Variants in RYR2 observed in about 807,000 individuals in gnomAD.
RYR2 encodes cardiac muscle ryanodine receptor-calcium release channel.
Under a neutral mutation model 601.1 loss-of-function variants are expected in RYR2, and 227 were observed. The ratio of observed to expected loss-of-function variants is 0.38; its 90% CI spans 0.34 to 0.42. The LOEUF is 0.42. Ranked by LOEUF, RYR2 falls within the 10% of genes least tolerant of loss-of-function variation. The pLI, the probability that RYR2 is intolerant of heterozygous loss-of-function variation, is 1.00. For missense variants in RYR2, 4,646 were observed against 6,156.5 expected (o/e 0.75, Z 8.21); for synonymous variants, 2,223 against 2,175.1 (o/e 1.02, Z -0.61).
chr1:237,639,610 T>A (rs3766875), intron 46 of RYR2, among the ~76,000 whole-genome samples: 66,000 of 152,014 alleles, frequency 0.43, 15,623 homozygotes, highest in Non-Finnish European at 0.54. Context: ...TTGACTAAAC[T>A]GTTATGGTGG....
chr1:237,080,698 C>G (rs1665511640), intron 1 of RYR2, among the ~76,000 whole-genome samples: 2 of 64,150 alleles, frequency 3.1e-5, no homozygotes, highest in Admixed American at 1.6e-4. Flanking sequence ...TAAACTAGTT[C>G]AACCATTGTG....
At chr1:237,775,510 G>T (rs1387358145) in intron 87 of RYR2, among the ~76,000 whole-genome samples, 1 of 152,046 alleles carries the variant, frequency 6.6e-6, no homozygotes, top group South Asian at 2.1e-4. Context: ...CATTAGCTTC[G>T]TGCTGCTTCT....
intron 17 of RYR2, among the ~76,000 whole-genome samples, chr1:237,488,563 G>A (rs1238885639): frequency 6.6e-6 from 1 of 152,132 alleles, no homozygotes. Flanking sequence ...ACTGTGACCT[G>A]CACGTGTACA....
At chr1:237,218,541 T>C (rs1461587100) in intron 1 of RYR2, among the ~76,000 whole-genome samples, 1 of 152,202 alleles carries the variant, frequency 6.6e-6, no homozygotes, top group Admixed American at 6.5e-5. Flanking sequence ...TACTTTGCCA[T>C]CAAGGCTTTT....
chr1:237,828,636 C>T (rs959213009), intron 102 of RYR2, among the ~76,000 whole-genome samples, 191 bp downstream of exon 102: 5 of 152,134 alleles, frequency 3.3e-5, no homozygotes, highest in South Asian at 2.1e-4. Context: ...TTGTGGTGGA[C>T]GCCACATGCA....
intron 1 of RYR2, among the ~76,000 whole-genome samples, chr1:237,244,794 G>T (rs1436055383): frequency 8.3e-6 from 1 of 120,250 alleles, no homozygotes; most frequent in Non-Finnish European, 1.7e-5. Context: ...ATGAGCCCCG[G>T]GTATTTACCC....
intron 63 of RYR2, among the ~76,000 whole-genome samples, chr1:237,691,614 A>G (rs1686950934): frequency 1.3e-5 from 2 of 152,210 alleles, no homozygotes; most frequent in African/African-American, 4.8e-5. Flanking sequence ...TGCCTAATCT[A>G]TTATTTTTGA....
At chr1:237,556,256 A>G (rs1186969055) in intron 27 of RYR2, among the ~76,000 whole-genome samples, 1 of 148,438 alleles carries the variant, frequency 6.7e-6, no homozygotes, top group African/African-American at 2.5e-5. Context: ...CCATATTTGC[A>G]ATTCTCATTT....
At chr1:237,055,259 G>T (rs1572469779) in intron 1 of RYR2, among the ~76,000 whole-genome samples, 2 of 152,162 alleles carry the variant, frequency 1.3e-5, no homozygotes, top group Non-Finnish European at 2.9e-5. Flanking sequence ...TGAGACCAGG[G>T]TCAGGGATTT....
chr1:237,444,094 A>G (rs1428957961), intron 13 of RYR2, among the ~76,000 whole-genome samples: 3 of 152,044 alleles, frequency 2.0e-5, no homozygotes, highest in Non-Finnish European at 4.4e-5. Context: ...GTATTGTATT[A>G]TTGTAATTTC....
At chr1:237,602,851 A>G (rs939713738) in intron 35 of RYR2, among the ~76,000 whole-genome samples, 2 of 152,234 alleles carry the variant, frequency 1.3e-5, no homozygotes, top group African/African-American at 4.8e-5. Context: ...TTGGAAAAAT[A>G]TGTTGTTATT....
intron 11 of RYR2, among the ~76,000 whole-genome samples, chr1:237,422,047 T>G (rs1038360301): frequency 6.6e-6 from 1 of 152,168 alleles, no homozygotes; most frequent in Non-Finnish European, 1.5e-5. Flanking sequence ...ATGATATATA[T>G]GGCCTGTCCT....
chr1:237,655,831 A>C lies in RYR2; in HGVS notation c.7976A>C (p.Gln2659Pro). ...CTCCATTTTTCCCAGAAATATGAAC[A>C]AGAACTTTTCAAACTGGCACTGCCT... ...FDALSQKKYE[Q>P]ELFKLALPCL... The change falls in exon 53 of 105, where the codon CAA becomes CCA. Residue 2659 changes from glutamine to proline, a missense_variant. Physicochemically the swap from Gln to Pro is moderately conservative, Grantham distance 76. Transcript: ENST00000366574. The C allele has an allele frequency of 6.3e-7, 1 of 1,595,668 alleles. No individual in the cohort carries two copies. Among genetic ancestry groups the C allele is most frequent in the East Asian group, 2.2e-5 (1 of 44,574 alleles).
intron 27 of RYR2, among the ~76,000 whole-genome samples, chr1:237,565,155 TTC>T (rs3057443): frequency 0.4 from 47,699 of 119,724 alleles, 11,408 homozygotes; most frequent in Admixed American, 0.49. Context: ...CTTTCTTTCT[TTC>T]TCTTTCTTTC....
At chr1:237,730,396 G>A (rs1209665807) in intron 77 of RYR2, 40 bp downstream of exon 77, 1 of 1,111,142 alleles carries the variant, frequency 9.0e-7, no homozygotes. Context: ...AGAGGGTCTA[G>A]GCTTGGTGCA....
intron 3 of RYR2, chr1:237,333,699 C>A (rs1696972333): frequency 6.6e-6 from 3 of 454,828 alleles, no homozygotes; most frequent in Admixed American, 4.7e-5. Context: ...CAAATATCAT[C>A]TTTTCTAGTG....
At chr1:237,434,636 C>T (rs545756610) in intron 12 of RYR2, among the ~76,000 whole-genome samples, 371 of 152,228 alleles carry the variant, frequency 2.4e-3, no homozygotes, top group African/African-American at 7.9e-3. Context: ...GCCACTGAAA[C>T]ATTTCTCTGT....
At chr1:237,792,012 T>C in intron 93 of RYR2, 93 bp from the exon 94 acceptor site, 4 of 879,970 alleles carry the variant, frequency 4.5e-6, no homozygotes, top group Middle Eastern at 2.7e-4. Flanking sequence ...CACATCCAAC[T>C]ATTTGCTGAA....
chr1:237,832,339 A>G (rs1420844792), intron 104 of RYR2, among the ~76,000 whole-genome samples: 1 of 152,032 alleles, frequency 6.6e-6, no homozygotes, highest in East Asian at 1.9e-4. Flanking sequence ...GGCTTGAGCC[A>G]GTGTGCCCAG....
Sources: allele counts gnomAD v4.1 joint callset (sites outside exome capture counted in the v4.1 genomes callset), GRCh38; gene constraint gnomAD v4.1.1; transcripts MANE v1.5; gene names NCBI Gene and HGNC (gene_info 2026-07-23, HGNC 2026-07-21).